The following VEPH1 variants were observed in gnomAD, a reference collection of about 807,000 sequenced individuals.
VEPH1 encodes ventricular zone expressed PH domain containing 1.
A neutral mutation model predicts 85.2 loss-of-function variants in VEPH1; 80 were observed. The ratio of observed to expected loss-of-function variants is 0.94; its 90% CI spans 0.78 to 1.13. The LOEUF (loss-of-function observed/expected upper bound fraction) is 1.13, where lower values mean the gene tolerates loss of function less well. Ranked by LOEUF, VEPH1 falls within the 50% of genes most tolerant of loss-of-function variation. The pLI is 0.00. For missense variants in VEPH1, 955 were observed against 980.5 expected (o/e 0.97, Z 0.35); for synonymous variants, 297 against 348.0 (o/e 0.85, Z 1.63).
intron 5 of VEPH1, among the ~76,000 whole-genome samples, chr3:157,419,756 T>C (rs1247123917): frequency 6.6e-6 from 1 of 152,120 alleles, no homozygotes; most frequent in African/African-American, 2.4e-5. Flanking sequence ...TTTTGGAAGA[T>C]AGTGTGGTGA....
At chr3:157,471,044 T>C (rs1176667279) in intron 2 of VEPH1, among the ~76,000 whole-genome samples, 1 of 152,188 alleles carries the variant, frequency 6.6e-6, no homozygotes, top group Non-Finnish European at 1.5e-5. Context: ...TCCATTCCCC[T>C]GTCTTAATTC....
At chr3:157,437,051 C>T (rs143387231) in intron 4 of VEPH1, 1 of 1,613,846 alleles carries the variant, frequency 6.2e-7, no homozygotes, top group African/African-American at 1.3e-5. Context: ...TGGACTCCAT[C>T]CCACTGAGGA....
At chr3:157,390,976 G>A (rs1729802801) in intron 6 of VEPH1, among the ~76,000 whole-genome samples, 1 of 152,224 alleles carries the variant, frequency 6.6e-6, no homozygotes, top group South Asian at 2.1e-4. Context: ...GCTGCTTGAG[G>A]CATGCCTGGT....
intron 2 of VEPH1, among the ~76,000 whole-genome samples, chr3:157,490,481 G>A (rs1480163100): frequency 6.6e-6 from 1 of 151,306 alleles, no homozygotes; most frequent in Non-Finnish European, 1.5e-5. Context: ...ACTTCCTTCA[G>A]AGGAAAACAA....
At chr3:157,307,250 A>G (rs1719618275) in intron 11 of VEPH1, among the ~76,000 whole-genome samples, 1 of 151,874 alleles carries the variant, frequency 6.6e-6, no homozygotes, top group African/African-American at 2.4e-5. Flanking sequence ...AGGTATACCT[A>G]TTTTCCTTCC....
At chr3:157,469,871 A>T (rs560203363) in intron 3 of VEPH1, among the ~76,000 whole-genome samples, 1 of 152,158 alleles carries the variant, frequency 6.6e-6, no homozygotes. Context: ...AAAAATTCTC[A>T]ATACATATAG....
chr3:157,466,598 CA>C lies in VEPH1; in HGVS notation c.354+3715del, dbSNP rs1204808873. Among the ~76,000 whole-genome samples the C allele has an allele frequency of 5.8e-4, 89 of 152,258 alleles. 1 individual carries two copies. The highest frequency in any genetic ancestry group is 2.0e-3 in the African/African-American group (85 of 41,530). On this transcript the variant is annotated intron_variant, in intron 3 of 13. Coordinates refer to ENST00000362010, the MANE Select transcript of VEPH1 (RefSeq NM_001167912.2). ...TCCCGAGCAGGAGGTGTTGTTATCC[CA>C]ATTTTAGAGATGGCAGAACAGAGAT...
At chr3:157,406,740 C>T (rs570407801) in intron 6 of VEPH1, among the ~76,000 whole-genome samples, 9 of 134,664 alleles carry the variant, frequency 6.7e-5, no homozygotes, top group Middle Eastern at 3.8e-3. Context: ...CATCCTTCCA[C>T]GTGCTATGAG....
At chr3:157,468,888 C>T (rs943957017) in intron 3 of VEPH1, among the ~76,000 whole-genome samples, 7 of 152,186 alleles carry the variant, frequency 4.6e-5, no homozygotes, top group African/African-American at 7.2e-5. Context: ...TTCCCCCACT[C>T]ACCCTGGGAC....
intron 12 of VEPH1, among the ~76,000 whole-genome samples, chr3:157,267,758 A>C (rs1241312022): frequency 6.6e-6 from 1 of 152,200 alleles, no homozygotes; most frequent in Non-Finnish European, 1.5e-5. Flanking sequence ...ACAGAGTGAG[A>C]CTCCGTCTCA....
At chr3:157,433,993 A>G (rs1424140110) in intron 4 of VEPH1, among the ~76,000 whole-genome samples, 1 of 152,086 alleles carries the variant, frequency 6.6e-6, no homozygotes, top group Non-Finnish European at 1.5e-5. Flanking sequence ...TCCCTCCATG[A>G]TTATGGATTT....
chr3:157,369,191 A>AAAAAAAAAAAAAAAAAAAAAAAAAAAC (rs1577469463), intron 7 of VEPH1, among the ~76,000 whole-genome samples: 1 of 145,088 alleles, frequency 6.9e-6, no homozygotes, highest in Non-Finnish European at 1.5e-5. Context: ...AAAAAAAAAA[A>AAAAAAAAAAAAAAAAAAAAAAAAAAAC]AAAAAAAAAA....
chr3:157,478,445 T>A (rs139330078), intron 2 of VEPH1, among the ~76,000 whole-genome samples: 1 of 152,120 alleles, frequency 6.6e-6, no homozygotes, highest in African/African-American at 2.4e-5. Context: ...CTGAGAAGCA[T>A]AGCAAACAAT....
intron 6 of VEPH1, among the ~76,000 whole-genome samples, chr3:157,384,186 G>T (rs918834256): frequency 1.3e-5 from 2 of 152,158 alleles, no homozygotes; most frequent in Non-Finnish European, 2.9e-5. Flanking sequence ...AGCAGAAGGG[G>T]GAGCCAATGG....
At chr3:157,292,586 G>A (rs1460641715) in intron 11 of VEPH1, among the ~76,000 whole-genome samples, 1 of 151,926 alleles carries the variant, frequency 6.6e-6, no homozygotes, top group African/African-American at 2.4e-5. Flanking sequence ...TAGCTACTTG[G>A]GAGGCTGAGG....
intron 10 of VEPH1, chr3:157,315,944 T>C (rs1720706493): frequency 6.6e-6 from 1 of 152,068 alleles, no homozygotes. Context: ...AGACAGTCAA[T>C]GCTGTTCTTT....
chr3:157,383,444 C>T (rs1188419906), intron 6 of VEPH1, among the ~76,000 whole-genome samples: 2 of 152,168 alleles, frequency 1.3e-5, no homozygotes, highest in African/African-American at 4.8e-5. Flanking sequence ...TTTAAGAAAA[C>T]CTTATATATC....
At chr3:157,366,560 C>A (rs1442735681) in intron 7 of VEPH1, among the ~76,000 whole-genome samples, 1 of 152,014 alleles carries the variant, frequency 6.6e-6, no homozygotes, top group East Asian at 1.9e-4. Context: ...CATGGTGAAA[C>A]CCTGTCTCTA....
intron 1 of VEPH1, chr3:157,499,624 G>C (rs894779384): frequency 6.6e-5 from 10 of 152,192 alleles, no homozygotes; most frequent in Non-Finnish European, 1.3e-4. Flanking sequence ...ACCTCACCCA[G>C]CGGAGTTACC....
Sources: gnomAD v4.1 joint callset for allele counts (sites outside exome capture counted in the v4.1 genomes callset) on GRCh38, gnomAD v4.1.1 for gene constraint, MANE v1.5 for transcripts, NCBI Gene and HGNC (gene_info 2026-07-23, HGNC 2026-07-21) for gene names.